PNPLA7: variants seen among roughly 807,000 people sequenced by gnomAD.
PNPLA7 encodes the protein patatin like domain 7, lysophospholipase.
PNPLA7 carries 153 observed loss-of-function variants against 161.7 expected under a neutral mutation model. The observed-to-expected ratio is 0.95, with a 90% confidence interval of 0.83 to 1.08. The LOEUF is 1.08. Ranked by LOEUF, PNPLA7 falls within the 50% of genes least tolerant of loss-of-function variation. The pLI, the probability that PNPLA7 is intolerant of heterozygous loss-of-function variation, is 0.00. For missense variants in PNPLA7, 1,739 were observed against 1,856.6 expected (o/e 0.94, Z 1.16); for synonymous variants, 809 against 782.1 (o/e 1.03, Z -0.57).
At chr9:137,521,584 G>T in intron 10 of PNPLA7, 52 bp downstream of exon 10, 1 of 1,574,248 alleles carries the variant, frequency 6.4e-7, no homozygotes, top group South Asian at 1.1e-5. Flanking sequence ...TAGCTGTCCC[G>T]ATGCCAGCTG....
chr9:137,542,903 G>A (rs1408917399), intron 6 of PNPLA7, 102 bp from the exon 7 acceptor site: 8 of 1,304,920 alleles, frequency 6.1e-6, no homozygotes, highest in Non-Finnish European at 8.5e-6. Flanking sequence ...CTGGCGCCAG[G>A]CTTTGTGCTG....
In PNPLA7 at chr9:137,547,543, G is replaced by C; in HGVS notation, c.105+42C>G. The stretch of plus-strand genomic sequence containing the variant: ...GACAGGGAGAGGTGAAAAAGGCCAC[G>C]GCCCATCCAGGTCTGGCTCCAGGGA... On this transcript the variant is annotated intron_variant, in intron 2 of 34. Transcript: ENST00000406427. The surrounding 1 kb of genome is among the most constrained non-coding windows in gnomAD (Gnocchi z 4.6). 1 of 1,608,270 alleles carries C rather than the reference G, an allele frequency of 6.2e-7. No homozygotes were observed. Among genetic ancestry groups the C allele is most frequent in the Non-Finnish European group, 8.5e-7 (1 of 1,175,478 alleles).
chr9:137,524,261 T>C lies in PNPLA7; in HGVS notation c.748-1404A>G, dbSNP rs773199694. ...CGAGATTCCCCCACGGTGGCATGTC[T>C]GACAGAGGTCTCTGCCTTGACTCCC... is the stretch of plus-strand genomic sequence containing the variant. On this transcript the variant is annotated intron_variant, in intron 8 of 34. Coordinates refer to ENST00000406427, the MANE Select transcript of PNPLA7 (RefSeq NM_001098537.3). This position sits in a 1 kb window ranked among gnomAD's most constrained non-coding sequence, Gnocchi z 4.4. Among the ~76,000 whole-genome samples, 2 of 152,206 alleles carry C rather than the reference T, an allele frequency of 1.3e-5. No individual in the cohort carries two copies. Among genetic ancestry groups the C allele is most frequent in the African/African-American group, 4.8e-5 (2 of 41,458 alleles).
rs1246621452 is a variant in PNPLA7, at chr9:137,490,075, A to G, written c.2197+2938T>C. ...CTTCCAAATCACATTTCTGAAAACT[A>G]AAGACAGAGAAAAACACCTTTTTGT... On this transcript the variant is annotated intron_variant, in intron 20 of 34. Transcript: ENST00000406427. This position sits in a 1 kb window ranked among gnomAD's most constrained non-coding sequence, Gnocchi z 4.1. Among the ~76,000 whole-genome samples the G allele has an allele frequency of 6.6e-6, 1 of 152,236 alleles. No individual in the cohort carries two copies. Among genetic ancestry groups the G allele is most frequent in the Non-Finnish European group, 1.5e-5 (1 of 68,050 alleles).
intron 20 of PNPLA7, among the ~76,000 whole-genome samples, chr9:137,489,266 G>A (rs1832654772): frequency 6.6e-6 from 1 of 152,230 alleles, no homozygotes; most frequent in South Asian, 2.1e-4. Flanking sequence ...CACTGGGCCT[G>A]GGCAGCACCT....
chr9:137,480,073 C>T (rs1024866969), intron 23 of PNPLA7, among the ~76,000 whole-genome samples: 11 of 152,232 alleles, frequency 7.2e-5, no homozygotes, highest in Admixed American at 2.6e-4. Context: ...GTGCGAAAGG[C>T]GGCCGGAGGC....
At position 137,460,310 on chromosome 9, in the gene PNPLA7, A is replaced by G; in HGVS notation, c.*83T>C. Reference sequence around the variant, plus strand: ...AGGGCTTCCAGCAGGGCAGGTACAGAGGCCCCTAGGACTTGGCAGGAGCCT... The same window carrying G: ...AGGGCTTCCAGCAGGGCAGGTACAGGGGCCCCTAGGACTTGGCAGGAGCCT... On this transcript the variant is annotated 3_prime_UTR_variant, in exon 35 of 35. Transcript: ENST00000406427. 7.2e-7 allele frequency: 1 copy of G among 1,389,036 alleles called. No individual in the cohort carries two copies. The highest frequency in any genetic ancestry group is 1.3e-5 in the South Asian group (1 of 78,102). The allele number at this position is 1,389,036 out of a possible 1,614,324, so 86.0% of individuals were successfully genotyped here. A position where few individuals can be genotyped will look rare whatever the true frequency, so the allele number is the denominator to read the frequency against.
chr9:137,547,524 G>A lies in PNPLA7; in HGVS notation c.105+61C>T, dbSNP rs1836602958. On this transcript the variant is annotated intron_variant, in intron 2 of 34. Transcript: ENST00000406427. This position sits in a 1 kb window ranked among gnomAD's most constrained non-coding sequence, Gnocchi z 4.6. ...GAATGAGCCAGGGGATGGGGACAGG[G>A]AGAGGTGAAAAAGGCCACGGCCCAT... is the stretch of plus-strand genomic sequence containing the variant. 1.3e-6 allele frequency: 2 copies of A among 1,599,016 alleles called. No homozygotes were observed. Among genetic ancestry groups the A allele is most frequent in the Non-Finnish European group, 1.7e-6 (2 of 1,167,216 alleles).
At chr9:137,527,687 G>C (rs912226515) in intron 8 of PNPLA7, among the ~76,000 whole-genome samples, 1 of 152,164 alleles carries the variant, frequency 6.6e-6, no homozygotes, top group African/African-American at 2.4e-5. Context: ...TGTTTCTAAT[G>C]ATGAGTGACT....
rs1836163876 is a variant in PNPLA7, at chr9:137,540,858, T to C, written c.667-136A>G. On this transcript the variant is annotated intron_variant, in intron 7 of 34. Transcript: ENST00000406427. The surrounding 1 kb of genome is among the most constrained non-coding windows in gnomAD (Gnocchi z 5.1). ...GGCGCCATGAGAGCAGCAGGCACCTTGGATGGAGGGCAGGGGACAAGATGG... is the reference window on the plus strand; with the variant it reads ...GGCGCCATGAGAGCAGCAGGCACCTCGGATGGAGGGCAGGGGACAAGATGG... 5.6e-6 allele frequency: 4 copies of C among 714,732 alleles called. No homozygotes were observed. The allele number at this position is 714,732 out of a possible 1,614,324, so 44.3% of individuals were successfully genotyped here.
Position 137,506,057 on chromosome 9 carries a change from G to T in PNPLA7, c.1252C>A (p.Leu418Met). 2 of 1,613,050 alleles carry T rather than the reference G, an allele frequency of 1.2e-6. No homozygotes were observed. Among genetic ancestry groups the T allele is most frequent in the African/African-American group, 1.3e-5 (1 of 75,040 alleles). Reference sequence around the variant, plus strand: ...CTGGCACGGTCACATGCCATCCCCAGATCAGAAGTGGCACTGCCTGGGCCC... The same window carrying T: ...CTGGCACGGTCACATGCCATCCCCATATCAGAAGTGGCACTGCCTGGGCCC... ...QGGPGSATSD[L>M]GMACDRARVF... Residue 418 changes from leucine (L) to methionine (M), a missense_variant, in exon 13 of 35, where the codon CTG (leucine) becomes ATG (methionine). This residue lies in a region of PNPLA7 where 481 missense variants were observed against 450.0 expected (regional missense o/e 1.07). Coordinates refer to ENST00000406427, the MANE Select transcript of PNPLA7 (RefSeq NM_001098537.3).
chr9:137,482,056 C>T (rs917137456), intron 21 of PNPLA7, among the ~76,000 whole-genome samples: 1 of 152,216 alleles, frequency 6.6e-6, no homozygotes, highest in African/African-American at 2.4e-5. Flanking sequence ...GCCCCCTGGG[C>T]TCAAGAGACA....
chr9:137,545,396 A>AG (rs1360820487), intron 4 of PNPLA7, among the ~76,000 whole-genome samples: 1 of 152,208 alleles, frequency 6.6e-6, no homozygotes, highest in Non-Finnish European at 1.5e-5. Context: ...CAGCAGAGTC[A>AG]GGAACCTCTG....
rs1329199996 is a variant in PNPLA7, at chr9:137,523,249, A to G, written c.748-392T>C. 6.6e-6 allele frequency among the ~76,000 whole-genome samples: 1 copy of G among 152,122 alleles called. No homozygotes were observed. Among genetic ancestry groups the G allele is most frequent in the Non-Finnish European group, 1.5e-5 (1 of 68,020 alleles). ...CCCCTCGCCAAAGGGCGTGCCAGAC[A>G]CCAACCTGAGCGGGCTTCCTAAAAA... On this transcript the variant is annotated intron_variant, in intron 8 of 34. Transcript: ENST00000406427. The surrounding 1 kb of genome is among the most constrained non-coding windows in gnomAD (Gnocchi z 4.4).
chr9:137,519,044 A>C (rs1588666801), intron 11 of PNPLA7, among the ~76,000 whole-genome samples: 2 of 102,068 alleles, frequency 2.0e-5, no homozygotes, highest in Non-Finnish European at 3.9e-5. Context: ...CACTCTACTC[A>C]CTCCATCCCA....
At chr9:137,530,187 G>A (rs560346131) in intron 8 of PNPLA7, among the ~76,000 whole-genome samples, 2 of 150,674 alleles carry the variant, frequency 1.3e-5, no homozygotes, top group South Asian at 4.2e-4. Flanking sequence ...GGACAGTCTT[G>A]ATCTCTTGAC....
At chr9:137,474,751 G>A (rs1470417156) in intron 25 of PNPLA7, among the ~76,000 whole-genome samples, 6 of 151,966 alleles carry the variant, frequency 3.9e-5, no homozygotes, top group East Asian at 3.9e-4. Context: ...AGTGGCTCAC[G>A]CCTGTAATCC....
In PNPLA7 at chr9:137,467,461, C is replaced by T. The variant is rs769525606; in HGVS notation, c.2895G>A (p.Gln965=). Residue 965 remains glutamine (Q), a synonymous_variant, in exon 26 of 35, where the codon CAG becomes CAA. Coordinates refer to ENST00000406427, the MANE Select transcript of PNPLA7 (RefSeq NM_001098537.3). The surrounding 1 kb of genome is among the most constrained non-coding windows in gnomAD (Gnocchi z 5.1). ...CCGCCAAGGCCTTGAGAACGCCCAC[C>T]TGGGCACAGCCTCTACACCAGCCAG... ...LGGGGARGCA[Q]VGVLKALAEC... is the part of the protein sequence containing the mutation. The T allele has an allele frequency of 1.1e-5, 18 of 1,613,014 alleles. No individual in the cohort carries two copies. The highest frequency in any genetic ancestry group is 1.0e-4 in the Admixed American group (6 of 60,028).
intron 18 of PNPLA7, 143 bp from the exon 19 acceptor site, chr9:137,495,289 G>T: frequency 5.0e-6 from 3 of 605,556 alleles, no homozygotes; most frequent in Non-Finnish European, 8.6e-6. Context: ...AGTGAGTGCT[G>T]GCGGGCGACG....
Sources: gnomAD v4.1 joint callset for allele counts (sites outside exome capture counted in the v4.1 genomes callset) on GRCh38, gnomAD v4.1.1 for gene constraint, gnomAD v4.1.1 regional missense constraint, Gnocchi (gnomAD v3.1) non-coding constraint, MANE v1.5 for transcripts, NCBI Gene and HGNC (gene_info 2026-07-23, HGNC 2026-07-21) for gene names.